The following SGPP2 variants were observed in gnomAD, a reference collection of about 807,000 sequenced individuals.
SGPP2 encodes sphingosine 1-phosphate phosphohydrolase 2.
SGPP2 carries 30 observed loss-of-function variants against 33.9 expected under a neutral mutation model. The observed-to-expected ratio is 0.89, with a 90% CI of 0.66 to 1.20. The LOEUF (loss-of-function observed/expected upper bound fraction) is 1.20, where lower values mean the gene tolerates loss of function less well. Among genes scored for constraint, SGPP2 ranks in the 50% most tolerant of loss-of-function variants. SGPP2 has a pLI of 0.00. For synonymous variants in SGPP2, 233 were observed against 225.0 expected (o/e 1.04, Z -0.32); for missense variants, 458 against 532.1 (o/e 0.86, Z 1.37).
intron 1 of SGPP2, among the ~76,000 whole-genome samples, chr2:222,434,118 C>T (rs1197504370): frequency 1.3e-5 from 2 of 152,112 alleles, no homozygotes; most frequent in African/African-American, 4.8e-5. Context: ...GGCAACGCAT[C>T]AAGAGTGTTC....
intron 1 of SGPP2, among the ~76,000 whole-genome samples, chr2:222,436,515 C>T (rs1559143067): frequency 6.6e-6 from 1 of 152,140 alleles, no homozygotes; most frequent in Non-Finnish European, 1.5e-5. Context: ...AAGGCCATAC[C>T]AGCATTCTGT....
chr2:222,522,829 C>T (rs1294076175), intron 3 of SGPP2, among the ~76,000 whole-genome samples: 1 of 152,142 alleles, frequency 6.6e-6, no homozygotes, highest in Non-Finnish European at 1.5e-5. Context: ...CAGCTATGCA[C>T]CACTACGCCC....
chr2:222,471,715 C>T (rs1249791699), intron 1 of SGPP2, among the ~76,000 whole-genome samples: 1 of 152,092 alleles, frequency 6.6e-6, no homozygotes, highest in African/African-American at 2.4e-5. Context: ...CAAAACAAAA[C>T]AAAAATCCAG....
intron 4 of SGPP2, among the ~76,000 whole-genome samples, chr2:222,549,786 G>A (rs1271515542): frequency 2.6e-5 from 4 of 151,794 alleles, no homozygotes; most frequent in Non-Finnish European, 4.4e-5. Context: ...AACCTTGGAT[G>A]GCAAACTGAA....
At chr2:222,481,944 T>C (rs1698036361) in intron 2 of SGPP2, among the ~76,000 whole-genome samples, 1 of 152,212 alleles carries the variant, frequency 6.6e-6, no homozygotes, top group Admixed American at 6.5e-5. Context: ...GAACTGTTAT[T>C]ATGGCTTTTC....
chr2:222,525,089 G>A, intron 4 of SGPP2, 56 bp downstream of exon 4: 1 of 1,265,788 alleles, frequency 7.9e-7, no homozygotes, highest in African/African-American at 1.5e-5. Flanking sequence ...TGTGGTCAGT[G>A]TGTCAATATG....
At chr2:222,471,376 C>T (rs1697838364) in intron 1 of SGPP2, among the ~76,000 whole-genome samples, 1 of 152,070 alleles carries the variant, frequency 6.6e-6, no homozygotes, top group South Asian at 2.1e-4. Context: ...ACTTGATAGC[C>T]AATAGTGTCA....
In SGPP2 at chr2:222,558,838, T is replaced by C. The variant is rs150148145; in HGVS notation, c.1140T>C (p.Ser380=). The part of the protein sequence containing the change: ...EVPYKFVTYT[S]VGICATTFVP... ...CTTACAAGTTTGTTACCTACACATC[T>C]GTTGGCATCTGCGCTACAACCTTTG... Residue 380 remains serine, a synonymous_variant, in exon 5 of 5, where the codon TCT becomes TCC. Transcript: ENST00000321276. The C allele has an allele frequency of 5.6e-6, 9 of 1,614,024 alleles. No homozygotes were observed. In the African/African-American group the frequency reaches 1.2e-4, roughly 22 times the overall value.
chr2:222,536,675 G>A (rs1698920184), intron 4 of SGPP2, among the ~76,000 whole-genome samples: 1 of 151,952 alleles, frequency 6.6e-6, no homozygotes, highest in African/African-American at 2.4e-5. Context: ...GCAAGACTCT[G>A]TCTCCAAAAA....
Position 222,449,218 on chromosome 2 carries a change from T to G in SGPP2, c.219+24397T>G, listed in dbSNP as rs572360155. ...TGAACCTTCTCTAAGACATTGAGGG[T>G]GGGGCTGCTATTTGGAGAAGGGAAA... On this transcript the variant is annotated intron_variant, in intron 1 of 4. Transcript: ENST00000321276. 7.9e-5 allele frequency among the ~76,000 whole-genome samples: 12 copies of G among 152,224 alleles called. No homozygotes were observed. In the East Asian group the frequency reaches 2.1e-3, roughly 27 times the overall value.
intron 4 of SGPP2, among the ~76,000 whole-genome samples, chr2:222,543,659 C>T (rs1689124084): frequency 6.6e-6 from 1 of 152,160 alleles, no homozygotes; most frequent in Non-Finnish European, 1.5e-5. Context: ...GTAACTGAAA[C>T]CACAGAAGAC....
intron 2 of SGPP2, among the ~76,000 whole-genome samples, chr2:222,491,854 C>A (rs1161431366): frequency 3.3e-5 from 5 of 152,120 alleles, no homozygotes; most frequent in East Asian, 3.9e-4. Flanking sequence ...CCAGTAAAAT[C>A]AAAAACAAGT....
At chr2:222,556,533 A>G (rs114069242) in intron 4 of SGPP2, among the ~76,000 whole-genome samples, 4,605 of 69,800 alleles carry the variant, frequency 0.066, 196 homozygotes, top group African/African-American at 0.16. Flanking sequence ...TCCCTCCCTC[A>G]CTCCTTGCCT....
chr2:222,424,484 C>T, upstream of SGPP2: 1 of 645,456 alleles, frequency 1.5e-6, no homozygotes, highest in Non-Finnish European at 2.0e-6. Flanking sequence ...CCCGGGGCCC[C>T]GCCCGCCCGG....
rs1286764145 is a variant in SGPP2 at position 222,483,071 on chromosome 2, G to T, written c.378+8345G>T. ...AAGGAAAAGAAGGAAAGTTGGGCGG[G>T]ACAACATTAAAAAAATAGAATAGAA... On this transcript the variant is annotated intron_variant, in intron 2 of 4. Coordinates refer to ENST00000321276, the MANE Select transcript of SGPP2 (RefSeq NM_152386.4). Among the ~76,000 whole-genome samples the T allele has an allele frequency of 2.0e-5, 3 of 152,068 alleles. No homozygotes were observed. The East Asian group carries it at 5.8e-4, about 29-fold the overall frequency.
At chr2:222,466,592 G>T (rs917179224) in intron 1 of SGPP2, among the ~76,000 whole-genome samples, 8 of 152,068 alleles carry the variant, frequency 5.3e-5, no homozygotes, top group African/African-American at 1.7e-4. Context: ...AACGACAGTT[G>T]TTCCCTGCAA....
chr2:222,532,817 T>C (rs763782876), intron 4 of SGPP2, among the ~76,000 whole-genome samples: 4 of 152,126 alleles, frequency 2.6e-5, no homozygotes, highest in Non-Finnish European at 5.9e-5. Context: ...CATTTGGGAA[T>C]GTTTGGGGAA....
chr2:222,496,101 A>G (rs1033722578), intron 2 of SGPP2, among the ~76,000 whole-genome samples: 2 of 152,190 alleles, frequency 1.3e-5, no homozygotes, highest in Non-Finnish European at 2.9e-5. Flanking sequence ...ATCCTTTCGA[A>G]TGGCATCTCT....
chr2:222,482,321 A>G (rs13413340), intron 2 of SGPP2, among the ~76,000 whole-genome samples: 11,946 of 152,192 alleles, frequency 0.078, 528 homozygotes, highest in African/African-American at 0.098. Context: ...CTATAATTCA[A>G]TTGTGATTTT....
Sources: gnomAD v4.1 joint callset for allele counts (sites outside exome capture counted in the v4.1 genomes callset) on GRCh38, gnomAD v4.1.1 for gene constraint, MANE v1.5 for transcripts, NCBI Gene and HGNC (gene_info 2026-07-23, HGNC 2026-07-21) for gene names.